The following MS4A13 variants were observed in gnomAD, a reference collection of about 807,000 sequenced individuals.
MS4A13 encodes membrane-spanning 4-domains subfamily A member 13.
A neutral mutation model predicts 18.4 loss-of-function variants in MS4A13; 21 were observed. That is an observed-to-expected ratio of 1.14 (90% CI 0.81 to 1.64). The LOEUF is 1.64. Ranked by LOEUF, MS4A13 falls within the 40% of genes most tolerant of loss-of-function variation. The pLI, the probability that MS4A13 is intolerant of heterozygous loss-of-function variation, is 0.00. For synonymous variants in MS4A13, 62 were observed against 57.2 expected, an observed-to-expected ratio of 1.08 and a Z score of -0.38; for missense variants, 173 against 176.8, an observed-to-expected ratio of 0.98 and a Z score of 0.12.
chr11:60,525,328 TAA>T lies in MS4A13; in HGVS notation c.306+3_306+4del. 1.3e-6 allele frequency: 2 copies of T among 1,569,616 alleles called. No homozygotes were observed. Among genetic ancestry groups the T allele is most frequent in the Non-Finnish European group, 1.7e-6 (2 of 1,154,178 alleles). On this transcript the variant is annotated splice_donor_region_variant and intron_variant, in intron 5 of 6. Coordinates refer to ENST00000378186, the MANE Select transcript of MS4A13 (RefSeq NM_001012417.3). The stretch of plus-strand genomic sequence containing the variant: ...TCATACAGGAATTATGGACAAGCAG[TAA>T]GTGACCAATTCTATGGGAACATATT...
intron 3 of MS4A13, among the ~76,000 whole-genome samples, chr11:60,522,249 T>TATATATCTATATATGTATATAG (rs2086681884): frequency 1.3e-5 from 2 of 150,678 alleles, no homozygotes; most frequent in South Asian, 2.1e-4. Flanking sequence ...GATGTATATA[T>TATATATCTATATATGTATATAG]ATAGATATAT....
chr11:60,517,134 T>C (rs974836729), intron 2 of MS4A13, among the ~76,000 whole-genome samples: 2 of 151,926 alleles, frequency 1.3e-5, no homozygotes, highest in Non-Finnish European at 2.9e-5. Context: ...AAACGTTAAA[T>C]TCTAAATCTA....
At chr11:60,518,267 A>C (rs551088819) in intron 3 of MS4A13, 55 bp downstream of exon 3, 1 of 1,433,564 alleles carries the variant, frequency 7.0e-7, no homozygotes, top group South Asian at 1.4e-5. Flanking sequence ...TATTCATGCC[A>C]ATAGTAGAAG....
rs1446081454 is a variant in MS4A13 at position 60,542,521 on chromosome 11, T to C, written c.405T>C (p.Phe135=). The C allele has an allele frequency of 6.2e-7, 1 of 1,608,590 alleles. No individual in the cohort carries two copies. Among genetic ancestry groups the C allele is most frequent in the East Asian group, 2.2e-5 (1 of 44,748 alleles). The change falls in exon 7 of 7, where the codon TTT becomes TTC. Residue 135 remains phenylalanine (F), a splice_region_variant and synonymous_variant. Transcript: ENST00000378186. ...THSIYSCSNL[F]RRQNDLTSVT... ...GTAAGAGGTTACTTTTTTTCCAGTT[T>C]CGAAGACAAAATGATCTTACATCTG...
chr11:60,542,451 GATCT>G, intron 6 of MS4A13, 64 bp from the exon 7 acceptor site: 1 of 1,054,464 alleles, frequency 9.5e-7, no homozygotes, highest in Non-Finnish European at 1.4e-6. Context: ...TTAAGAAAAA[GATCT>G]ATTTATTAGT....
chr11:60,532,132 G>T (rs1198874148), intron 6 of MS4A13, among the ~76,000 whole-genome samples: 1 of 152,230 alleles, frequency 6.6e-6, no homozygotes, highest in Non-Finnish European at 1.5e-5. Flanking sequence ...ACTTAACAAA[G>T]AAAGGCTTCA....
chr11:60,527,772 G>A (rs12417095), intron 5 of MS4A13, among the ~76,000 whole-genome samples: 52,183 of 151,832 alleles, frequency 0.34, 9,179 homozygotes, highest in South Asian at 0.39. Flanking sequence ...GGAGGCAGAG[G>A]TTGCAGTGAG....
In MS4A13 at chr11:60,529,409, T is replaced by C. The variant is rs2086746981; in HGVS notation, c.351T>C (p.Gly117=). 2 of 1,610,698 alleles carry C rather than the reference T, an allele frequency of 1.2e-6. No homozygotes were observed. Among genetic ancestry groups the C allele is most frequent in the Middle Eastern group, 1.7e-4 (1 of 5,960 alleles). ...CACGTATTTTACTGTTCTTCTACGG[T>C]TTGGAATTTTCTATTGCACTTACAC... ...EVSRILLFFY[G]LEFSIALTHS... is the part of the protein sequence containing the mutation. The change falls in exon 6 of 7, where the codon GGT becomes GGC. Residue 117 remains glycine, a synonymous_variant. Transcript: ENST00000378186.
chr11:60,521,895 G>C (rs1259308565), intron 3 of MS4A13, among the ~76,000 whole-genome samples: 2 of 152,158 alleles, frequency 1.3e-5, no homozygotes, highest in Non-Finnish European at 2.9e-5. Context: ...AGGTTTGTTG[G>C]ACTTACAGTT....
At position 60,520,136 on chromosome 11, in the gene MS4A13, G is replaced by A. The variant is rs143048978; in HGVS notation, c.129+1924G>A. 7.0e-3 allele frequency among the ~76,000 whole-genome samples: 1,061 copies of A among 152,208 alleles called. 17 individuals carry two copies. Among genetic ancestry groups the A allele is most frequent in the African/African-American group, 0.025 (1,025 of 41,498 alleles). On this transcript the variant is annotated intron_variant, in intron 3 of 6. Coordinates refer to ENST00000378186, the MANE Select transcript of MS4A13 (RefSeq NM_001012417.3). The stretch of plus-strand genomic sequence containing the variant: ...CATAATTCCCAAGTATTGTGGGAGG[G>A]ACCTGGTGGAAGATAACTGAATCAT...
At chr11:60,527,406 CTCTCTG>C (rs1225925151) in intron 5 of MS4A13, among the ~76,000 whole-genome samples, 10 of 46,102 alleles carry the variant, frequency 2.2e-4, no homozygotes, top group East Asian at 8.6e-4. Context: ...CTCTCTCTCT[CTCTCTG>C]TGTGTGTGTG....
chr11:60,538,191 A>C (rs1325939151), intron 6 of MS4A13, among the ~76,000 whole-genome samples: 2 of 144,638 alleles, frequency 1.4e-5, no homozygotes, highest in East Asian at 2.1e-4. Context: ...AAAAAAAAAA[A>C]CGAAAAAAAA....
intron 3 of MS4A13, among the ~76,000 whole-genome samples, chr11:60,521,975 G>A (rs2086676827): frequency 6.6e-6 from 1 of 152,088 alleles, no homozygotes; most frequent in Admixed American, 6.6e-5. Flanking sequence ...TTACATGAAT[G>A]GCAGCAGGCA....
In MS4A13 at chr11:60,518,235, G is replaced by T. The variant is rs1448783586; in HGVS notation, c.129+23G>T. The T allele has an allele frequency of 5.1e-6, 8 of 1,555,884 alleles. 1 individual carries two copies. In the South Asian group the frequency reaches 6.1e-5, roughly 12 times the overall value. ...TTTGTGAGTAGAATACATATATATT[G>T]CTTTAATCATACAATAAATAATATT... On this transcript the variant is annotated intron_variant, in intron 3 of 6. Coordinates refer to ENST00000378186, the MANE Select transcript of MS4A13 (RefSeq NM_001012417.3).
intron 2 of MS4A13, among the ~76,000 whole-genome samples, chr11:60,516,781 T>G (rs1305622585): frequency 1.3e-5 from 2 of 152,204 alleles, no homozygotes; most frequent in Non-Finnish European, 2.9e-5. Flanking sequence ...CTCCACACAC[T>G]GGCAGTTCTT....
Position 60,542,620 on chromosome 11 carries a change from T to C in MS4A13, c.*45T>C, listed in dbSNP as rs1334639396. On this transcript the variant is annotated 3_prime_UTR_variant, in exon 7 of 7. Coordinates refer to ENST00000378186, the MANE Select transcript of MS4A13 (RefSeq NM_001012417.3). ...ATTTTGCTGTTGCTGATGCCTGGTG[T>C]GGGTCCTAATGATATCTCTGTATAA... The C allele has an allele frequency of 8.1e-7, 1 of 1,228,634 alleles. No individual in the cohort carries two copies. The highest frequency in any genetic ancestry group is 1.5e-5 in the African/African-American group (1 of 66,982). 76.1% of individuals were successfully genotyped at this position (1,228,634 alleles called of 1,614,324 possible).
At chr11:60,532,041 AAAT>A (rs1347264927) in intron 6 of MS4A13, among the ~76,000 whole-genome samples, 3 of 152,228 alleles carry the variant, frequency 2.0e-5, no homozygotes, top group Non-Finnish European at 4.4e-5. Context: ...AAAAGTATGC[AAAT>A]AATAATAGTT....
intron 6 of MS4A13, among the ~76,000 whole-genome samples, chr11:60,531,979 G>A (rs1489372082): frequency 6.6e-6 from 1 of 152,124 alleles, no homozygotes. Flanking sequence ...GAGGCAATCA[G>A]AATCTAAAAT....
At chr11:60,529,090 C>T (rs1219937680) in intron 5 of MS4A13, among the ~76,000 whole-genome samples, 18 of 152,106 alleles carry the variant, frequency 1.2e-4, no homozygotes. Flanking sequence ...TCTGTAAAAG[C>T]TGTCAGAAGT....
Sources: allele counts gnomAD v4.1 joint callset (sites outside exome capture counted in the v4.1 genomes callset), GRCh38; gene constraint gnomAD v4.1.1; transcripts MANE v1.5; gene names NCBI Gene and HGNC (gene_info 2026-07-23, HGNC 2026-07-21).